Variants in RAD51B observed in about 807,000 individuals in gnomAD.
RAD51B encodes the protein DNA repair protein RAD51 homolog 2.
In RAD51B, 38 loss-of-function variants were observed where a neutral mutation model predicts 42.2. The ratio of observed to expected loss-of-function variants is 0.90; its 90% CI spans 0.70 to 1.18. The LOEUF is 1.18. RAD51B is among the 50% of genes most tolerant of loss of function. The pLI is 0.00. For missense variants in RAD51B, 373 were observed against 400.7 expected, an observed-to-expected ratio of 0.93 and a Z score of 0.59; for synonymous variants, 154 against 145.2, an observed-to-expected ratio of 1.06 and a Z score of -0.43.
intron 7 of RAD51B, among the ~76,000 whole-genome samples, chr14:68,080,933 A>G (rs913857284): frequency 2.0e-5 from 3 of 152,340 alleles, no homozygotes; most frequent in African/African-American, 7.2e-5. Flanking sequence ...ATTTCACTGA[A>G]GATCAGAGCC....
intron 7 of RAD51B, among the ~76,000 whole-genome samples, chr14:67,939,133 A>G (rs1013282166): frequency 1.3e-5 from 2 of 152,190 alleles, no homozygotes; most frequent in Admixed American, 6.5e-5. Flanking sequence ...TGAGGTACTT[A>G]TATTAGGGGG....
At chr14:68,566,889 C>T (rs1037938301) in intron 10 of RAD51B, among the ~76,000 whole-genome samples, 10 of 152,152 alleles carry the variant, frequency 6.6e-5, no homozygotes, top group Admixed American at 5.9e-4. Context: ...ATTCTCTCTT[C>T]TACCAGCAAT....
intron 7 of RAD51B, among the ~76,000 whole-genome samples, chr14:67,968,363 C>T (rs2074828739): frequency 6.6e-6 from 1 of 152,142 alleles, no homozygotes; most frequent in Non-Finnish European, 1.5e-5. Context: ...TTGAACTTCT[C>T]CTCAAAAAAT....
chr14:68,292,132 C>T (rs1479356587), intron 8 of RAD51B, 152 bp downstream of exon 8: 1 of 662,392 alleles, frequency 1.5e-6, no homozygotes, highest in Non-Finnish European at 2.6e-6. Context: ...GCCACCTTTC[C>T]TGGCATCTGA....
At position 68,603,570 on chromosome 14, in the gene RAD51B, C is replaced by T. The variant is rs1891312915; in HGVS notation, c.1037-7436C>T. On this transcript the variant is annotated intron_variant, in intron 10 of 10. Transcript: ENST00000487861. Reference sequence around the variant, plus strand: ...TTTTTTGGGGTCCCCATCATGCCTCCTGGCTTCCTTTTGAAAATAAGGCAA... The same window carrying T: ...TTTTTTGGGGTCCCCATCATGCCTCTTGGCTTCCTTTTGAAAATAAGGCAA... Among the ~76,000 whole-genome samples the T allele has an allele frequency of 2.0e-5, 3 of 152,136 alleles. No homozygotes were observed. In the South Asian group the frequency reaches 6.2e-4, roughly 32 times the overall value.
intron 7 of RAD51B, among the ~76,000 whole-genome samples, chr14:68,280,234 T>C (rs1486026835): frequency 6.6e-6 from 1 of 152,250 alleles, no homozygotes; most frequent in African/African-American, 2.4e-5. Context: ...AAATTTGTTT[T>C]ATACTTAAAC....
At chr14:68,389,668 G>A (rs750209492) in intron 8 of RAD51B, among the ~76,000 whole-genome samples, 27 of 152,290 alleles carry the variant, frequency 1.8e-4, no homozygotes, top group Non-Finnish European at 3.7e-4. Flanking sequence ...AATGTTGGTC[G>A]TTGTAATGAG....
intron 7 of RAD51B, among the ~76,000 whole-genome samples, chr14:68,156,496 T>TCTCTCTCTCTCTCTCTCTC (rs2078514069): frequency 6.8e-6 from 1 of 147,628 alleles, no homozygotes; most frequent in Admixed American, 6.8e-5. Flanking sequence ...TCTCTCTCTC[T>TCTCTCTCTCTCTCTCTCTC]GCCTTTATGA....
chr14:68,056,133 T>C (rs567683455), intron 7 of RAD51B, among the ~76,000 whole-genome samples: 1 of 152,206 alleles, frequency 6.6e-6, no homozygotes, highest in South Asian at 2.1e-4. Flanking sequence ...GTCCTAGAGC[T>C]CAGTGTTATT....
intron 7 of RAD51B, among the ~76,000 whole-genome samples, chr14:68,289,247 C>G (rs923329434): frequency 2.6e-5 from 4 of 152,136 alleles, no homozygotes; most frequent in Non-Finnish European, 5.9e-5. Flanking sequence ...TGAATATTTA[C>G]TATGTGTCAG....
intron 7 of RAD51B, among the ~76,000 whole-genome samples, chr14:68,090,564 A>C (rs1161407784): frequency 6.6e-6 from 1 of 152,162 alleles, no homozygotes; most frequent in East Asian, 1.9e-4. Flanking sequence ...CAAATGTGTG[A>C]TGTTATTTTT....
chr14:68,394,146 C>A (rs2083843171), intron 8 of RAD51B, among the ~76,000 whole-genome samples: 1 of 152,124 alleles, frequency 6.6e-6, no homozygotes, highest in Non-Finnish European at 1.5e-5. Context: ...TTTCTCTGAT[C>A]AAAGTTAAGT....
chr14:68,005,045 G>GTTTTTTTTTT (rs753867497), intron 7 of RAD51B, among the ~76,000 whole-genome samples: 5 of 79,498 alleles, frequency 6.3e-5, no homozygotes, highest in African/African-American at 1.6e-4. Flanking sequence ...GTGTGTGTGT[G>GTTTTTTTTTT]TTTTTTTTTT....
intron 7 of RAD51B, among the ~76,000 whole-genome samples, chr14:68,233,745 G>C (rs1199172392): frequency 6.6e-6 from 1 of 152,166 alleles, no homozygotes; most frequent in African/African-American, 2.4e-5. Context: ...GACAAGGGTG[G>C]GAGGAGCCCC....
At chr14:67,999,647 TA>T (rs1368313758) in intron 7 of RAD51B, among the ~76,000 whole-genome samples, 2 of 152,220 alleles carry the variant, frequency 1.3e-5, no homozygotes, top group African/African-American at 4.8e-5. Context: ...AATAGTACGT[TA>T]TAGGACTTCT....
intron 7 of RAD51B, among the ~76,000 whole-genome samples, chr14:68,123,376 C>T (rs2077691484): frequency 1.3e-5 from 2 of 151,896 alleles, no homozygotes; most frequent in Non-Finnish European, 2.9e-5. Context: ...ATTTTTAGTA[C>T]AGTCAGTATC....
At chr14:68,172,392 A>G (rs1391181747) in intron 7 of RAD51B, among the ~76,000 whole-genome samples, 1 of 151,432 alleles carries the variant, frequency 6.6e-6, no homozygotes, top group Non-Finnish European at 1.5e-5. Context: ...TTCATTAGCC[A>G]GGGCCCAATT....
chr14:68,196,756 A>T (rs749131632), intron 7 of RAD51B, among the ~76,000 whole-genome samples: 1 of 152,192 alleles, frequency 6.6e-6, no homozygotes. Flanking sequence ...TTATTGCTAT[A>T]TCTACAATAC....
intron 10 of RAD51B, among the ~76,000 whole-genome samples, chr14:68,570,873 C>CCA (rs9323516): frequency 0.24 from 35,493 of 150,076 alleles, 4,848 homozygotes; most frequent in Middle Eastern, 0.38. Flanking sequence ...GGCTGGAGCG[C>CCA]CACACACACA....
Sources: allele counts gnomAD v4.1 joint callset (sites outside exome capture counted in the v4.1 genomes callset), GRCh38; gene constraint gnomAD v4.1.1; transcripts MANE v1.5; gene names NCBI Gene and HGNC (gene_info 2026-07-23, HGNC 2026-07-21).